PLEKHM3: variants seen among roughly 807,000 people sequenced by gnomAD.
PLEKHM3 encodes pleckstrin homology domain-containing family M member 3.
A neutral mutation model predicts 81.8 loss-of-function variants in PLEKHM3; 45 were observed. That is an observed-to-expected ratio of 0.55 (90% CI 0.43 to 0.71). The LOEUF (loss-of-function observed/expected upper bound fraction) is 0.71. Among genes scored for constraint, PLEKHM3 ranks in the 30% least tolerant of loss-of-function variants. The probability of loss-of-function intolerance (pLI) is 0.00; values close to 1 mark genes in which losing one functional copy is unlikely to be tolerated. For synonymous variants in PLEKHM3, 352 were observed against 356.4 expected (o/e 0.99, Z 0.14); for missense variants, 788 against 924.3 (o/e 0.85, Z 1.91).
At chr2:208,015,770 A>C (rs1366589647) in intron 1 of PLEKHM3, among the ~76,000 whole-genome samples, 2 of 152,266 alleles carry the variant, frequency 1.3e-5, no homozygotes, top group East Asian at 3.8e-4. Flanking sequence ...AATAAATAGA[A>C]ACACTTGTAA....
chr2:207,844,464 G>A (rs1346764313), intron 7 of PLEKHM3, among the ~76,000 whole-genome samples: 2 of 144,406 alleles, frequency 1.4e-5, no homozygotes, highest in East Asian at 3.9e-4. Context: ...CACCACGCCC[G>A]GAGAATTTTT....
intron 2 of PLEKHM3, among the ~76,000 whole-genome samples, chr2:207,977,922 A>C (rs1008577704): frequency 3.9e-5 from 6 of 152,130 alleles, no homozygotes; most frequent in African/African-American, 1.4e-4. Context: ...GCCCGTCTCT[A>C]TAAAAAATTA....
In PLEKHM3 at chr2:208,024,142, C is replaced by CAAAATAAAATAAAATAAGAT. The variant is rs1693225958; in HGVS notation, c.-319+1246_-319+1247insATCTTATTTTATTTTATTTT. On this transcript the variant is annotated intron_variant, in intron 1 of 7. Transcript: ENST00000427836. ...CGAATGACAGAGTAAGACCCTGTCT[C>CAAAATAAAATAAAATAAGAT]AAAATAAAATAAAATAAAATAAAAT... 5.8e-5 allele frequency among the ~76,000 whole-genome samples: 8 copies of CAAAATAAAATAAAATAAGAT among 137,794 alleles called. No individual in the cohort carries two copies. In the South Asian group the frequency reaches 1.2e-3, roughly 21 times the overall value. The allele number at this position is 137,794 out of a possible 152,430, so 90.4% of individuals were successfully genotyped here.
At chr2:207,930,152 A>G (rs1689539879) in intron 5 of PLEKHM3, among the ~76,000 whole-genome samples, 1 of 152,226 alleles carries the variant, frequency 6.6e-6, no homozygotes, top group Admixed American at 6.5e-5. Context: ...TCTATGAACT[A>G]TGAGCTAACT....
intron 6 of PLEKHM3, among the ~76,000 whole-genome samples, chr2:207,885,013 T>G (rs949000312): frequency 1.3e-5 from 2 of 152,196 alleles, no homozygotes; most frequent in Non-Finnish European, 2.9e-5. Context: ...AACCTGCATG[T>G]CTCTCTATGA....
chr2:207,937,303 C>A (rs549160330), intron 4 of PLEKHM3, among the ~76,000 whole-genome samples: 1 of 152,180 alleles, frequency 6.6e-6, no homozygotes, highest in Non-Finnish European at 1.5e-5. Flanking sequence ...CAGTGGCTCA[C>A]GCCTATAATC....
intron 7 of PLEKHM3, among the ~76,000 whole-genome samples, chr2:207,840,651 C>A (rs2092345040): frequency 6.6e-6 from 1 of 152,148 alleles, no homozygotes; most frequent in African/African-American, 2.4e-5. Flanking sequence ...TGTCCTCTGC[C>A]CATTTTCTAC....
rs144933074 is a variant in PLEKHM3, at chr2:207,974,361, C to T, written c.1546+2290G>A. On this transcript the variant is annotated intron_variant, in intron 3 of 7. Coordinates refer to ENST00000427836, the MANE Select transcript of PLEKHM3 (RefSeq NM_001080475.3). ...TTCCTCTTGAGTGTCAGGAATGCTA[C>T]GAATGCAGTGCAGAGCATGGGCAGT... Among the ~76,000 whole-genome samples, 6 of 152,260 alleles carry T rather than the reference C, an allele frequency of 3.9e-5. No homozygotes were observed. The East Asian group carries it at 5.8e-4, about 15-fold the overall frequency.
chr2:207,933,226 G>A (rs73983645), intron 4 of PLEKHM3, among the ~76,000 whole-genome samples: 5,218 of 152,100 alleles, frequency 0.034, 272 homozygotes, highest in African/African-American at 0.12. Flanking sequence ...TATTTTTGAG[G>A]CATCTATTAA....
chr2:207,864,174 A>G (rs567104196), intron 6 of PLEKHM3, among the ~76,000 whole-genome samples: 118 of 152,340 alleles, frequency 7.7e-4, no homozygotes, highest in African/African-American at 2.8e-3. Context: ...TTTTGAGTCA[A>G]GCATACATTT....
chr2:207,914,621 G>A (rs1688923533), intron 5 of PLEKHM3, among the ~76,000 whole-genome samples: 1 of 151,246 alleles, frequency 6.6e-6, no homozygotes, highest in South Asian at 2.1e-4. Context: ...GGTTGAGGCT[G>A]CAGTGAGCCA....
At chr2:207,838,328 CCA>C (rs1310305820) in intron 7 of PLEKHM3, among the ~76,000 whole-genome samples, 1 of 152,102 alleles carries the variant, frequency 6.6e-6, no homozygotes, top group African/African-American at 2.4e-5. Flanking sequence ...ACTTTAAGCC[CCA>C]GAGTTAATTA....
chr2:207,930,864 A>T (rs1689568166), intron 5 of PLEKHM3, 62 bp downstream of exon 5: 3 of 1,572,658 alleles, frequency 1.9e-6, no homozygotes, highest in African/African-American at 2.7e-5. Context: ...AGATAATCTC[A>T]CCACCCTCCG....
chr2:207,856,954 T>G (rs1204981428), intron 7 of PLEKHM3, among the ~76,000 whole-genome samples: 1 of 152,222 alleles, frequency 6.6e-6, no homozygotes, highest in African/African-American at 2.4e-5. Context: ...AGATTTTTTT[T>G]AATGGCCCAG....
chr2:208,010,161 A>G (rs2106110756), intron 1 of PLEKHM3, among the ~76,000 whole-genome samples: 1 of 152,344 alleles, frequency 6.6e-6, no homozygotes, highest in Middle Eastern at 3.4e-3. Flanking sequence ...AGTAGTCCCA[A>G]CAATCCATTT....
chr2:207,962,976 T>C lies in PLEKHM3; in HGVS notation c.1546+13675A>G, dbSNP rs79518974. On this transcript the variant is annotated intron_variant, in intron 3 of 7. Coordinates refer to ENST00000427836, the MANE Select transcript of PLEKHM3 (RefSeq NM_001080475.3). Reference sequence around the variant, plus strand: ...GGAAACTTGCAAGATTATAATTGGTTTGCTAAATAGGGAACATGTTAACTG... The same window carrying C: ...GGAAACTTGCAAGATTATAATTGGTCTGCTAAATAGGGAACATGTTAACTG... 2.3e-4 allele frequency among the ~76,000 whole-genome samples: 35 copies of C among 150,568 alleles called. No homozygotes were observed. The East Asian group carries it at 6.6e-3, about 28-fold the overall frequency.
At chr2:207,847,706 G>A (rs914110345) in intron 7 of PLEKHM3, among the ~76,000 whole-genome samples, 2 of 152,146 alleles carry the variant, frequency 1.3e-5, no homozygotes, top group African/African-American at 2.4e-5. Flanking sequence ...AGAAAAGAAC[G>A]ATTAGAAACA....
chr2:207,877,132 C>A (rs928828574), intron 6 of PLEKHM3, among the ~76,000 whole-genome samples: 4 of 152,042 alleles, frequency 2.6e-5, no homozygotes, highest in African/African-American at 9.7e-5. Context: ...GGAGGGCATT[C>A]AAAGATAAGA....
At chr2:207,863,468 A>G (rs187903342) in intron 6 of PLEKHM3, among the ~76,000 whole-genome samples, 1 of 152,314 alleles carries the variant, frequency 6.6e-6, no homozygotes, top group East Asian at 1.9e-4. Flanking sequence ...ACCTTAATTT[A>G]TGACTCAGGA....
Sources: gnomAD v4.1 joint callset for allele counts (sites outside exome capture counted in the v4.1 genomes callset) on GRCh38, gnomAD v4.1.1 for gene constraint, MANE v1.5 for transcripts, NCBI Gene and HGNC (gene_info 2026-07-23, HGNC 2026-07-21) for gene names.